TCOF1: variants seen among roughly 807,000 people sequenced by gnomAD.
TCOF1 encodes treacle protein.
In TCOF1, 33 loss-of-function variants were observed where a neutral mutation model predicts 149.0. The ratio of observed to expected loss-of-function variants is 0.22; its 90% CI spans 0.17 to 0.30. The LOEUF (loss-of-function observed/expected upper bound fraction) is 0.30, where lower values mean the gene tolerates loss of function less well. TCOF1 is among the 10% of genes least tolerant of loss of function. The probability of loss-of-function intolerance (pLI) is 1.00; values close to 1 mark genes in which losing one functional copy is unlikely to be tolerated. For missense variants in TCOF1, 1,728 were observed against 1,840.7 expected, an observed-to-expected ratio of 0.94 and a Z score of 1.12; for synonymous variants, 789 against 738.8, an observed-to-expected ratio of 1.07 and a Z score of -1.10.
chr5:150,385,240 G>T (rs1489288550), intron 17 of TCOF1, among the ~76,000 whole-genome samples: 6 of 152,174 alleles, frequency 3.9e-5, no homozygotes, highest in Non-Finnish European at 7.3e-5. Context: ...AAAGTTTTAG[G>T]TTGAATCAAA....
chr5:150,357,929 C>T, intron 1 of TCOF1, 75 bp downstream of exon 1: 2 of 1,474,558 alleles, frequency 1.4e-6, no homozygotes, highest in South Asian at 1.2e-5. Context: ...CGCGCCCCGT[C>T]CCCAGGCGAC....
At chr5:150,373,385 T>C (rs1762971925) in intron 7 of TCOF1, among the ~76,000 whole-genome samples, 1 of 152,186 alleles carries the variant, frequency 6.6e-6, no homozygotes, top group South Asian at 2.1e-4. Context: ...CCATGTTGGC[T>C]CAAAAATTTA....
chr5:150,391,711 G>A lies in TCOF1; in HGVS notation c.3297+54G>A, dbSNP rs529571254. ...CCCACGGAGCGTAGAAGGTGCAGGCGTGGCCCTGCATCGCGGCACCAGCAC... is the reference window on the plus strand; with the variant it reads ...CCCACGGAGCGTAGAAGGTGCAGGCATGGCCCTGCATCGCGGCACCAGCAC... On this transcript the variant is annotated intron_variant, in intron 20 of 26. Transcript: ENST00000643257. The A allele has an allele frequency of 4.8e-5, 73 of 1,516,230 alleles. No homozygotes were observed. The African/African-American group carries it at 5.0e-4, about 10-fold the overall frequency. 93.9% of individuals were successfully genotyped at this position (1,516,230 alleles called of 1,614,324 possible). A position where few individuals can be genotyped will look rare whatever the true frequency, so the allele number is the denominator to read the frequency against.
At chr5:150,378,048 G>A (rs1378657351) in intron 14 of TCOF1, among the ~76,000 whole-genome samples, 3 of 152,168 alleles carry the variant, frequency 2.0e-5, no homozygotes, top group South Asian at 2.1e-4. Flanking sequence ...GAGGATTTAC[G>A]TGCTCTACTG....
intron 18 of TCOF1, among the ~76,000 whole-genome samples, chr5:150,389,078 C>T (rs1339852673): frequency 6.6e-6 from 1 of 152,126 alleles, no homozygotes; most frequent in Admixed American, 6.5e-5. Context: ...CCTATCTCTA[C>T]CTATCTACCT....
chr5:150,396,809 A>G lies in TCOF1; in HGVS notation c.4312A>G (p.Lys1438Glu). Residue 1438 changes from lysine to glutamate, a missense_variant, in exon 24 of 27, where the codon AAG becomes GAG. By Grantham distance (56) the Lys-to-Glu change is moderately conservative. This residue lies in a region of TCOF1 where 1,696 missense variants were observed against 1,765.4 expected (regional missense o/e 0.96). Coordinates refer to ENST00000643257, the MANE Select transcript of TCOF1 (RefSeq NM_001371623.1). ...TVEGGDQSNP[K>E]SKKEKKKSDK... is the part of the protein sequence containing the mutation. ...TGAAGGTGGAGATCAAAGCAACCCA[A>G]AGAGCAAGAAGGAGAAGAAGAAATC... The G allele has an allele frequency of 6.2e-7, 1 of 1,608,182 alleles. No individual in the cohort carries two copies. Among genetic ancestry groups the G allele is most frequent in the Non-Finnish European group, 8.5e-7 (1 of 1,177,756 alleles).
At chr5:150,382,244 A>G (rs1765380160) in intron 17 of TCOF1, among the ~76,000 whole-genome samples, 2 of 152,156 alleles carry the variant, frequency 1.3e-5, no homozygotes, top group Admixed American at 6.5e-5. Context: ...GCCATAGACA[A>G]GAGGCCGGTA....
In TCOF1 at chr5:150,396,750, C is replaced by T. The variant is rs1768611906; in HGVS notation, c.4253C>T (p.Pro1418Leu). 6.2e-7 allele frequency: 1 copy of T among 1,612,298 alleles called. No individual in the cohort carries two copies. The highest frequency in any genetic ancestry group is 8.5e-7 in the Non-Finnish European group (1 of 1,179,530). The change falls in exon 24 of 27, where the codon CCA becomes CTA. Residue 1418 changes from proline to leucine, a missense_variant. By Grantham distance (98) the Pro-to-Leu change is moderately conservative (BLOSUM62 -3). This residue lies in a region of TCOF1 where 1,696 missense variants were observed against 1,765.4 expected (regional missense o/e 0.96). Coordinates refer to ENST00000643257, the MANE Select transcript of TCOF1 (RefSeq NM_001371623.1). ...GGCTCCCAAGGGGCCAAGGACGAGC[C>T]AGAAGAGGAGCTTCAGAAGGGGATG... The part of the protein sequence containing the change: ...SLGSQGAKDE[P>L]EEELQKGMGT...
intron 4 of TCOF1, 95 bp from the exon 5 acceptor site, chr5:150,368,621 C>T (rs1761878848): frequency 6.9e-7 from 1 of 1,456,724 alleles, no homozygotes; most frequent in African/African-American, 1.4e-5. Flanking sequence ...ACTCACACAG[C>T]TAAGAAGTGG....
At chr5:150,372,474 C>A (rs1762763441) in intron 7 of TCOF1, among the ~76,000 whole-genome samples, 1 of 152,236 alleles carries the variant, frequency 6.6e-6, no homozygotes, top group African/African-American at 2.4e-5. Context: ...CCCAGCCAGT[C>A]CTGCTGTGAG....
intron 20 of TCOF1, 96 bp from the exon 21 acceptor site, chr5:150,391,861 C>T: frequency 1.5e-6 from 2 of 1,297,780 alleles, no homozygotes; most frequent in Admixed American, 1.9e-5. Flanking sequence ...TGTGCCCCAT[C>T]TAACACAGTT....
At chr5:150,376,894 T>G (rs545955372) in intron 14 of TCOF1, among the ~76,000 whole-genome samples, 1 of 152,316 alleles carries the variant, frequency 6.6e-6, no homozygotes, top group East Asian at 1.9e-4. Flanking sequence ...GGTGCTGCCC[T>G]TGTCTGGGGT....
chr5:150,363,169 T>C (rs1760559652), intron 2 of TCOF1, among the ~76,000 whole-genome samples: 1 of 152,234 alleles, frequency 6.6e-6, no homozygotes, highest in African/African-American at 2.4e-5. Context: ...ATATTCTTGA[T>C]ATAGCTGGGA....
Position 150,397,939 on chromosome 5 carries a change from T to C in TCOF1, c.4346-415T>C, listed in dbSNP as rs193026239. 2.3e-3 allele frequency among the ~76,000 whole-genome samples: 357 copies of C among 152,298 alleles called. 3 individuals are homozygous for C. The highest frequency in any genetic ancestry group is 8.2e-3 in the African/African-American group (339 of 41,564). ...TGCCAGCCTGTTTTATTTTTATTTT[T>C]TGAGACAGGGTCTTGCTCTGTCACC... On this transcript the variant is annotated intron_variant, in intron 24 of 26. Transcript: ENST00000643257.
chr5:150,366,411 A>T (rs1328769448), intron 3 of TCOF1, among the ~76,000 whole-genome samples: 1 of 152,218 alleles, frequency 6.6e-6, no homozygotes, highest in African/African-American at 2.4e-5. Flanking sequence ...TTTGTGGGCA[A>T]CGTGGTAGGA....
intron 3 of TCOF1, 179 bp from the exon 4 acceptor site, chr5:150,367,665 G>A: frequency 1.5e-6 from 1 of 681,150 alleles, no homozygotes; most frequent in Non-Finnish European, 2.6e-6. Context: ...CTTGCTCCTG[G>A]TGGACCTGGC....
rs957957969 is a variant in TCOF1 at position 150,374,830 on chromosome 5, G to A, written c.1278+19G>A. ...TGCTCAGGTGAGGCAGAGGGGAGGG[G>A]TGGAGAGTAGCCCCATGCCTAAACC... On this transcript the variant is annotated intron_variant, in intron 9 of 26. Coordinates refer to ENST00000643257, the MANE Select transcript of TCOF1 (RefSeq NM_001371623.1). 6 of 1,604,382 alleles carry A rather than the reference G, an allele frequency of 3.7e-6. No homozygotes were observed. Among genetic ancestry groups the A allele is most frequent in the Admixed American group, 3.5e-5 (2 of 57,650 alleles).
rs751949001 is a variant in TCOF1, at chr5:150,387,875, G to A, written c.2860-27G>A. 5 of 1,613,434 alleles carry A rather than the reference G, an allele frequency of 3.1e-6. No homozygotes were observed. The East Asian group carries it at 1.1e-4, about 36-fold the overall frequency. On this transcript the variant is annotated intron_variant, in intron 17 of 26. Coordinates refer to ENST00000643257, the MANE Select transcript of TCOF1 (RefSeq NM_001371623.1). ...CCCTGGCCAAGCCTTTAATCACTGG[G>A]GGGGTGTTTTGTTTTTGTTTTTCAA...
intron 3 of TCOF1, chr5:150,367,608 C>A: frequency 1.9e-6 from 1 of 540,098 alleles, no homozygotes; most frequent in Non-Finnish European, 3.4e-6. Context: ...AGTTGGGAAT[C>A]CATCAAGGAT....
Sources: gnomAD v4.1 joint callset for allele counts (sites outside exome capture counted in the v4.1 genomes callset) on GRCh38, gnomAD v4.1.1 for gene constraint, gnomAD v4.1.1 regional missense constraint, MANE v1.5 for transcripts, NCBI Gene and HGNC (gene_info 2026-07-23, HGNC 2026-07-21) for gene names.